The following ERVK3-1 variants were observed in gnomAD, a reference collection of about 807,000 sequenced individuals.
The protein encoded by ERVK3-1 is endogenous retrovirus group K3 member 1, also known as HERV-K(HML6-1).
downstream of ERVK3-1, among the ~76,000 whole-genome samples, chr19:58,316,246 G>T (rs562365488): frequency 3.0e-4 from 45 of 152,062 alleles, no homozygotes; most frequent in Non-Finnish European, 6.0e-4. Flanking sequence ...CCTGCCTCCC[G>T]TTGCCCCCTT....
At chr19:58,305,693 G>A (rs1360989293) in intron 1 of ERVK3-1, among the ~76,000 whole-genome samples, 1 of 152,124 alleles carries the variant, frequency 6.6e-6, no homozygotes, top group Non-Finnish European at 1.5e-5. Flanking sequence ...AAGGAATGAG[G>A]GTCGTGACCA....
chr19:58,306,249 G>C (rs141410573), intron 2 of ERVK3-1, 33 bp downstream of exon 2: 23 of 152,312 alleles, frequency 1.5e-4, no homozygotes, highest in African/African-American at 5.1e-4. Flanking sequence ...GGGAGCGGGA[G>C]GTTTCTGAAT....
chr19:58,314,448 A>C (rs2051576871), intron 3 of ERVK3-1, among the ~76,000 whole-genome samples: 1 of 151,994 alleles, frequency 6.6e-6, no homozygotes. Flanking sequence ...AAAACAGTGA[A>C]ACCCCATCTC....
downstream of ERVK3-1, among the ~76,000 whole-genome samples, chr19:58,316,318 C>T (rs538920956): frequency 1.6e-4 from 25 of 152,216 alleles, no homozygotes; most frequent in Admixed American, 9.2e-4. Context: ...TGAGGCCACC[C>T]CTCTCTTTAA....
chr19:58,312,873 A>C lies in ERVK3-1; in HGVS notation c.294+411A>C, dbSNP rs2051566275. On this transcript the variant is annotated intron_variant, in intron 3 of 3. Coordinates refer to ENST00000413518, the Ensembl canonical transcript of ERVK3-1. The surrounding 1 kb of genome is among the most constrained non-coding windows in gnomAD (Gnocchi z 4.7). ...ATTTCTCACCCCCCTCCTTGGACCC[A>C]GTGTCTTGGCCCCTTGGCCAGACAA... 6.5e-6 allele frequency: 1 copy of C among 154,962 alleles called. No homozygotes were observed. Among genetic ancestry groups the C allele is most frequent in the African/African-American group, 2.4e-5 (1 of 41,550 alleles). The allele number at this position is 154,962 out of a possible 1,614,324, so 9.6% of individuals were successfully genotyped here.
downstream of ERVK3-1, among the ~76,000 whole-genome samples, chr19:58,315,887 A>T (rs1310141781): frequency 6.6e-6 from 1 of 152,154 alleles, no homozygotes; most frequent in Non-Finnish European, 1.5e-5. Flanking sequence ...AGCCACACTG[A>T]TGTGTAGGAT....
intron 2 of ERVK3-1, among the ~76,000 whole-genome samples, chr19:58,308,329 A>G (rs2051537244): frequency 6.6e-6 from 1 of 152,234 alleles, no homozygotes; most frequent in Non-Finnish European, 1.5e-5. Flanking sequence ...GTAATATCCA[A>G]AAACAATTGG....
chr19:58,312,583 G>A lies in ERVK3-1; in HGVS notation c.294+121G>A. 1 of 398,446 alleles carries A rather than the reference G, an allele frequency of 2.5e-6. No individual in the cohort carries two copies. 24.7% of individuals were successfully genotyped at this position (398,446 alleles called of 1,614,324 possible). ...GATATATTATGATCAGGGAGCGTGGGCACCAGGACCCCTAACTCCGTCTGA... is the reference window on the plus strand; with the variant it reads ...GATATATTATGATCAGGGAGCGTGGACACCAGGACCCCTAACTCCGTCTGA... On this transcript the variant is annotated intron_variant, in intron 3 of 3. Transcript: ENST00000413518. The surrounding 1 kb of genome is among the most constrained non-coding windows in gnomAD (Gnocchi z 4.7).
rs974889532 is a variant in ERVK3-1 at position 58,311,790 on chromosome 19, C to T, written c.-3-376C>T. The T allele has an allele frequency of 3.8e-5, 6 of 159,496 alleles. No individual in the cohort carries two copies. The South Asian group carries it at 6.1e-4, about 16-fold the overall frequency. The allele number at this position is 159,496 out of a possible 1,614,324, so 9.9% of individuals were successfully genotyped here. A position where few individuals can be genotyped will look rare whatever the true frequency, so the allele number is the denominator to read the frequency against. ...AACAATTTAAAACTGACAGTGGACTCGCTTATGTTAGTCATGCTTTCCCAA... is the reference window on the plus strand; with the variant it reads ...AACAATTTAAAACTGACAGTGGACTTGCTTATGTTAGTCATGCTTTCCCAA... On this transcript the variant is annotated intron_variant, in intron 2 of 3. Transcript: ENST00000413518.
intron 3 of ERVK3-1, among the ~76,000 whole-genome samples, chr19:58,314,092 G>A (rs1415299238): frequency 6.6e-6 from 1 of 152,154 alleles, no homozygotes. Context: ...TACAAAGTTT[G>A]CAATTGTAGC....
At chr19:58,314,583 C>A (rs113347450) in intron 3 of ERVK3-1, among the ~76,000 whole-genome samples, 165 bp from the exon 4 acceptor site, 2 of 137,672 alleles carry the variant, frequency 1.5e-5, no homozygotes, top group Admixed American at 1.6e-4. Flanking sequence ...GCCAAGATGG[C>A]GCCACTGCAC....
intron 3 of ERVK3-1, among the ~76,000 whole-genome samples, chr19:58,314,272 G>A (rs1267433855): frequency 6.6e-6 from 1 of 152,096 alleles, no homozygotes; most frequent in Non-Finnish European, 1.5e-5. Context: ...ACTTGAATAA[G>A]CAAACTCAAA....
intron 2 of ERVK3-1, among the ~76,000 whole-genome samples, chr19:58,306,871 G>A (rs2051527211): frequency 6.6e-6 from 1 of 152,208 alleles, no homozygotes; most frequent in African/African-American, 2.4e-5. Context: ...GGTTAATAAT[G>A]GAATACAGAG....
intron 2 of ERVK3-1, chr19:58,309,577 T>A (rs2051544035): frequency 6.6e-6 from 1 of 152,240 alleles, no homozygotes; most frequent in Non-Finnish European, 1.5e-5. Context: ...AGGCAGAAGC[T>A]GAATTACAGC....
In ERVK3-1 at chr19:58,312,142, G is replaced by T; in HGVS notation, c.-3-24G>T. On this transcript the variant is annotated intron_variant, in intron 2 of 3. Transcript: ENST00000413518. The surrounding 1 kb of genome is among the most constrained non-coding windows in gnomAD (Gnocchi z 4.7). ...CCGGTGGATTTGCTGACGTGGGGAC[G>T]AGGGTATGCTTGTGTTTTTACAGGA... is the stretch of plus-strand genomic sequence containing the variant. 1 of 400,100 alleles carries T rather than the reference G, an allele frequency of 2.5e-6. No homozygotes were observed. Among genetic ancestry groups the T allele is most frequent in the Non-Finnish European group, 4.4e-6 (1 of 226,100 alleles). The allele number at this position is 400,100 out of a possible 1,614,324, so 24.8% of individuals were successfully genotyped here.
At chr19:58,309,272 T>G (rs1347503068) in intron 2 of ERVK3-1, 2 of 152,204 alleles carry the variant, frequency 1.3e-5, no homozygotes, top group African/African-American at 4.8e-5. Context: ...AGATCAAGTA[T>G]TATACCAGTT....
rs1414041905 is a variant in ERVK3-1 at position 58,312,961 on chromosome 19, A to G, written c.294+499A>G. 6.6e-6 allele frequency: 1 copy of G among 152,294 alleles called. No individual in the cohort carries two copies. Among genetic ancestry groups the G allele is most frequent in the Non-Finnish European group, 1.5e-5 (1 of 68,130 alleles). The allele number at this position is 152,294 out of a possible 1,614,324, so 9.4% of individuals were successfully genotyped here. The stretch of plus-strand genomic sequence containing the variant: ...GTGGCCATTTAGAGGGGAGAGATGA[A>G]AATCAGACCTCTTGGCACAAACTTC... On this transcript the variant is annotated intron_variant, in intron 3 of 3. Transcript: ENST00000413518. The surrounding 1 kb of genome is among the most constrained non-coding windows in gnomAD (Gnocchi z 4.7).
At chr19:58,305,831 C>T (rs1214655949) in intron 1 of ERVK3-1, among the ~76,000 whole-genome samples, 6 of 152,210 alleles carry the variant, frequency 3.9e-5, no homozygotes, top group Admixed American at 3.3e-4. Flanking sequence ...TCCCAGGTCC[C>T]CTGCTCCTTG....
Position 58,313,581 on chromosome 19 carries a change from A to G in ERVK3-1, c.294+1119A>G, listed in dbSNP as rs891209483. Among the ~76,000 whole-genome samples, 3 of 152,160 alleles carry G rather than the reference A, an allele frequency of 2.0e-5. No individual in the cohort carries two copies. Among genetic ancestry groups the G allele is most frequent in the African/African-American group, 7.2e-5 (3 of 41,432 alleles). ...GCTGGGATTACAGGCGTGAGCCACC[A>G]TGCCCGGCCAGTTTGTGTTTTTAAT... On this transcript the variant is annotated intron_variant, in intron 3 of 3. Transcript: ENST00000413518. This position sits in a 1 kb window ranked among gnomAD's most constrained non-coding sequence, Gnocchi z 4.5.
Sources: allele counts gnomAD v4.1 joint callset (sites outside exome capture counted in the v4.1 genomes callset), GRCh38; gene constraint gnomAD v4.1.1; non-coding constraint Gnocchi (gnomAD v3.1); transcripts MANE v1.5; gene names NCBI Gene and HGNC (gene_info 2026-07-23, HGNC 2026-07-21).